The following ATG7 variants were observed in gnomAD, a reference collection of about 807,000 sequenced individuals.
ATG7 encodes autophagy related 7, also known as ubiquitin-like modifier-activating enzyme ATG7.
A neutral mutation model predicts 82.4 loss-of-function variants in ATG7; 70 were observed. That is an observed-to-expected ratio of 0.85 (90% CI 0.70 to 1.04). ATG7 has a LOEUF of 1.04. Ranked by LOEUF, ATG7 falls within the 50% of genes least tolerant of loss-of-function variation. The probability of loss-of-function intolerance (pLI) is 0.00; values close to 1 mark genes in which losing one functional copy is unlikely to be tolerated. For synonymous variants in ATG7, 287 were observed against 313.0 expected (o/e 0.92, Z 0.88); for missense variants, 792 against 864.3 (o/e 0.92, Z 1.05).
At chr3:11,412,600 G>A (rs1005630426) in intron 19 of ATG7, among the ~76,000 whole-genome samples, 2 of 152,138 alleles carry the variant, frequency 1.3e-5, no homozygotes, top group African/African-American at 4.8e-5. Flanking sequence ...TAGTAAGTTT[G>A]GAAATCAGGA....
intron 20 of ATG7, among the ~76,000 whole-genome samples, chr3:11,458,409 G>A (rs1432348477): frequency 3.3e-5 from 5 of 151,982 alleles, no homozygotes; most frequent in Non-Finnish European, 7.4e-5. Context: ...GACTACAGGC[G>A]CCCACCACCA....
At chr3:11,348,164 G>A in intron 14 of ATG7, 129 bp downstream of exon 14, 1 of 1,293,180 alleles carries the variant, frequency 7.7e-7, no homozygotes, top group Non-Finnish European at 1.1e-6. Context: ...TCGCTATGTG[G>A]CTGAACCTCT....
chr3:11,395,164 A>G (rs2079108044), intron 19 of ATG7, among the ~76,000 whole-genome samples: 1 of 152,230 alleles, frequency 6.6e-6, no homozygotes, highest in Non-Finnish European at 1.5e-5. Context: ...ACATCTAAAG[A>G]GCAAATTAGT....
At chr3:11,452,384 CAAAAAAAA>C (rs34530409) in intron 20 of ATG7, among the ~76,000 whole-genome samples, 1 of 58,420 alleles carries the variant, frequency 1.7e-5, no homozygotes, top group Admixed American at 3.0e-4. Flanking sequence ...GAACCTGTCT[CAAAAAAAA>C]AAAAAAAAAA....
At chr3:11,348,095 A>G in intron 14 of ATG7, 60 bp downstream of exon 14, 1 of 1,538,776 alleles carries the variant, frequency 6.5e-7, no homozygotes, top group Non-Finnish European at 8.8e-7. Flanking sequence ...AGTCTTGGGA[A>G]ATGAGGCCTG....
chr3:11,310,924 A>T (rs916690584), intron 7 of ATG7, among the ~76,000 whole-genome samples: 1 of 152,168 alleles, frequency 6.6e-6, no homozygotes, highest in South Asian at 2.1e-4. Context: ...GAGCCACCGC[A>T]TGCAGCCTGT....
chr3:11,301,387 T>C (rs1946766594), intron 5 of ATG7, among the ~76,000 whole-genome samples: 2 of 152,218 alleles, frequency 1.3e-5, no homozygotes, highest in African/African-American at 4.8e-5. Flanking sequence ...TATAGGTCTT[T>C]CTGGCTTTTG....
At chr3:11,335,152 C>G (rs1416499679) in intron 11 of ATG7, among the ~76,000 whole-genome samples, 2 of 151,978 alleles carry the variant, frequency 1.3e-5, no homozygotes, top group African/African-American at 4.8e-5. Context: ...AGTTTAGAGC[C>G]TTTGCCTTTC....
At chr3:11,520,010 G>C (rs2092400867) in intron 20 of ATG7, among the ~76,000 whole-genome samples, 1 of 152,110 alleles carries the variant, frequency 6.6e-6, no homozygotes, top group South Asian at 2.1e-4. Context: ...ACAGCTCAAG[G>C]CTGTGCTGAT....
intron 10 of ATG7, among the ~76,000 whole-genome samples, chr3:11,331,895 A>G (rs940368295): frequency 6.6e-6 from 1 of 152,222 alleles, no homozygotes; most frequent in African/African-American, 2.4e-5. Flanking sequence ...GCTACTACAT[A>G]TCCACCAAAA....
chr3:11,451,800 CAAATT>C (rs1418395042), intron 20 of ATG7, among the ~76,000 whole-genome samples: 9 of 12,926 alleles, frequency 7.0e-4, no homozygotes, highest in East Asian at 2.7e-3. Flanking sequence ...AAAAAAAAAA[CAAATT>C]AAAAAAACCC....
intron 1 of ATG7, among the ~76,000 whole-genome samples, chr3:11,275,551 G>A (rs1941584150): frequency 6.8e-6 from 1 of 148,028 alleles, no homozygotes; most frequent in South Asian, 2.2e-4. Context: ...GTAGAGATGG[G>A]GTTTCACTGT....
chr3:11,495,778 A>C (rs2090781471), intron 20 of ATG7, among the ~76,000 whole-genome samples: 3 of 152,220 alleles, frequency 2.0e-5, no homozygotes, highest in Admixed American at 6.5e-5. Flanking sequence ...GTGGTTCTAG[A>C]GAACTCTAGC....
chr3:11,576,060 T>C, the ATG7 span, among the ~76,000 whole-genome samples: 2 of 152,232 alleles, frequency 1.3e-5, no homozygotes, highest in Non-Finnish European at 2.9e-5. Flanking sequence ...TTAGCTTTAG[T>C]TTTTTAAGAA....
At chr3:11,416,909 A>T (rs1007105921) in intron 19 of ATG7, among the ~76,000 whole-genome samples, 4 of 152,002 alleles carry the variant, frequency 2.6e-5, no homozygotes, top group African/African-American at 9.7e-5. Context: ...TTTCATTTCT[A>T]TTTAGTTTAA....
the ATG7 span, chr3:11,565,095 C>T: frequency 1.9e-5 from 25 of 1,303,856 alleles, no homozygotes; most frequent in Non-Finnish European, 2.4e-5. This position sits in a 1 kb window ranked among gnomAD's most constrained non-coding sequence, Gnocchi z 4.1. Flanking sequence ...CCAGGCACTC[C>T]GTGTTGCTTA....
chr3:11,475,372 T>C (rs1041131298), intron 20 of ATG7, among the ~76,000 whole-genome samples: 1 of 152,146 alleles, frequency 6.6e-6, no homozygotes, highest in African/African-American at 2.4e-5. Context: ...GAGCCTAGGT[T>C]CTGAGCATTC....
intron 20 of ATG7, among the ~76,000 whole-genome samples, chr3:11,505,527 T>A (rs1376800075): frequency 6.6e-6 from 1 of 151,902 alleles, no homozygotes; most frequent in Non-Finnish European, 1.5e-5. Flanking sequence ...AAATGAGAGG[T>A]CACTGAAATG....
chr3:11,346,499 T>G (rs1559441074), intron 13 of ATG7: 1 of 152,150 alleles, frequency 6.6e-6, no homozygotes. Flanking sequence ...CAGCATTGAG[T>G]ATTGTGATTT....
Sources: allele counts gnomAD v4.1 joint callset (sites outside exome capture counted in the v4.1 genomes callset), GRCh38; gene constraint gnomAD v4.1.1; non-coding constraint Gnocchi (gnomAD v3.1); transcripts MANE v1.5; gene names NCBI Gene and HGNC (gene_info 2026-07-23, HGNC 2026-07-21).